Variants in CBR4 observed in about 807,000 individuals in gnomAD.
The protein encoded by CBR4 is 3-oxoacyl-[acyl-carrier-protein] reductase.
A neutral mutation model predicts 21.0 loss-of-function variants in CBR4; 22 were observed. That is an observed-to-expected ratio of 1.05 (90% CI 0.75 to 1.50). The LOEUF (loss-of-function observed/expected upper bound fraction) is 1.50, where lower values mean the gene tolerates loss of function less well. Ranked by LOEUF, CBR4 falls within the 40% of genes most tolerant of loss-of-function variation. The probability of loss-of-function intolerance (pLI) is 0.00; values close to 1 mark genes in which losing one functional copy is unlikely to be tolerated. For missense variants in CBR4, 302 were observed against 286.3 expected (o/e 1.05, Z -0.40); for synonymous variants, 100 against 104.4 (o/e 0.96, Z 0.26).
In CBR4 at chr4:169,003,447, T is replaced by C. The variant is rs937885123; in HGVS notation, c.401-1242A>G. On this transcript the variant is annotated intron_variant, in intron 3 of 4. Coordinates refer to ENST00000306193, the MANE Select transcript of CBR4 (RefSeq NM_032783.5). The stretch of plus-strand genomic sequence containing the variant: ...TCTTATGTATGGATAAACAAAGTTG[T>C]TTCTCAAGATGGAATCTCTTCCTTG... 3.9e-5 allele frequency among the ~76,000 whole-genome samples: 6 copies of C among 152,312 alleles called. No individual in the cohort carries two copies. The South Asian group carries it at 1.2e-3, about 32-fold the overall frequency.
At chr4:168,950,719 T>C (rs1763516637) in intron 2 of CBR4, among the ~76,000 whole-genome samples, 2 of 152,210 alleles carry the variant, frequency 1.3e-5, no homozygotes, top group Admixed American at 1.3e-4. Context: ...TGTTGCTTTC[T>C]ATCTCATTTA....
At chr4:168,911,065 C>T (rs1014398762) in intron 2 of CBR4, among the ~76,000 whole-genome samples, 15 of 152,106 alleles carry the variant, frequency 9.9e-5, no homozygotes, top group African/African-American at 2.9e-4. Context: ...TGTCACATAC[C>T]ATTTGATATT....
rs557329308 is a variant in CBR4, at chr4:168,919,532, A to G, written n.170-24767T>C. On this transcript the variant is annotated intron_variant and non_coding_transcript_variant, in intron 2 of 3. Transcript: ENST00000509108. The stretch of plus-strand genomic sequence containing the variant: ...GGAGCAAGACTGTCTTAAAAAAAAA[A>G]AAAAAGTGAAAAACCTTGCCACATG... 9.2e-5 allele frequency among the ~76,000 whole-genome samples: 14 copies of G among 152,136 alleles called. No individual in the cohort carries two copies. The East Asian group carries it at 2.5e-3, about 27-fold the overall frequency.
chr4:168,961,731 A>G (rs534397058), intron 2 of CBR4, among the ~76,000 whole-genome samples: 1 of 128,914 alleles, frequency 7.8e-6, no homozygotes, highest in African/African-American at 2.5e-5. Context: ...CTCTACTAAA[A>G]ATACAAAAAT....
chr4:168,921,713 C>G lies in CBR4; in HGVS notation n.170-26948G>C. The G allele has an allele frequency of 6.2e-7, 1 of 1,611,612 alleles. No homozygotes were observed. The highest frequency in any genetic ancestry group is 1.1e-5 in the South Asian group (1 of 90,964). ...TAGCTACCAACCGAGCAGGACAGAA[C>G]TCATTCAGCCTGGAGCTTGTGGTTG... On this transcript the variant is annotated intron_variant and non_coding_transcript_variant, in intron 2 of 3. Transcript: ENST00000509108.
At chr4:168,996,618 T>C (rs1168803995) in intron 4 of CBR4, among the ~76,000 whole-genome samples, 1 of 152,232 alleles carries the variant, frequency 6.6e-6, no homozygotes, top group African/African-American at 2.4e-5. Context: ...TGTACAGTTC[T>C]ACAGGTTTGG....
At chr4:169,007,320 T>C (rs985732484) in intron 2 of CBR4, among the ~76,000 whole-genome samples, 1 of 152,188 alleles carries the variant, frequency 6.6e-6, no homozygotes, top group African/African-American at 2.4e-5. Context: ...CTGGCAAAAC[T>C]TATCTGTGGT....
chr4:168,996,384 T>A (rs1185105898), intron 4 of CBR4, among the ~76,000 whole-genome samples: 1 of 152,256 alleles, frequency 6.6e-6, no homozygotes, highest in Non-Finnish European at 1.5e-5. Flanking sequence ...AACGTTCAGA[T>A]AGATCCCATG....
intron 2 of CBR4, chr4:168,926,934 G>C (rs1762647005): frequency 4.6e-6 from 1 of 219,476 alleles, no homozygotes; most frequent in Non-Finnish European, 9.1e-6. Flanking sequence ...CATAAGGAAG[G>C]AACTACTTGC....
intron 2 of CBR4, among the ~76,000 whole-genome samples, chr4:168,897,285 G>A (rs911590533): frequency 3.9e-5 from 6 of 152,050 alleles, no homozygotes; most frequent in African/African-American, 1.4e-4. Context: ...AACAACTTGT[G>A]GTATAACTCT....
chr4:168,976,278 C>T (rs375985819), intron 2 of CBR4, among the ~76,000 whole-genome samples: 2 of 152,162 alleles, frequency 1.3e-5, no homozygotes, highest in Admixed American at 6.5e-5. Context: ...TCCATGGGCT[C>T]GAGCTAAGGA....
intron 2 of CBR4, among the ~76,000 whole-genome samples, chr4:168,955,362 A>C (rs574449064): frequency 6.6e-6 from 1 of 152,374 alleles, no homozygotes; most frequent in East Asian, 1.9e-4. Context: ...TGACTCTCCA[A>C]ATAATGTTAA....
Position 168,926,307 on chromosome 4 carries a change from C to G in CBR4, n.170-31542G>C, listed in dbSNP as rs1306250811. The stretch of plus-strand genomic sequence containing the variant: ...CACTTTCGGACCAGGGACTAGACAT[C>G]AAAGCAGCGTTCCAACCTGAGGCCA... On this transcript the variant is annotated intron_variant and non_coding_transcript_variant, in intron 2 of 3. Transcript: ENST00000509108. 17 of 1,537,342 alleles carry G rather than the reference C, an allele frequency of 1.1e-5. No homozygotes were observed. The highest frequency in any genetic ancestry group is 1.4e-5 in the Non-Finnish European group (16 of 1,146,868).
chr4:168,948,749 G>A lies in CBR4; in HGVS notation n.169+53322C>T, dbSNP rs575244622. Among the ~76,000 whole-genome samples, 314 of 152,312 alleles carry A rather than the reference G, an allele frequency of 2.1e-3. 4 individuals are homozygous for A. The highest frequency in any genetic ancestry group is 5.2e-3 in the South Asian group (25 of 4,834). On this transcript the variant is annotated intron_variant and non_coding_transcript_variant, in intron 2 of 3. Transcript: ENST00000509108. The stretch of plus-strand genomic sequence containing the variant: ...GTGCCTGTTTTTATACCAGTACCAT[G>A]CTGTTTTGGTGACTATGGCCTTATG...
rs189272485 is a variant in CBR4 at position 169,002,060 on chromosome 4, T to G, written c.535+11A>C. 3.9e-6 allele frequency: 6 copies of G among 1,543,024 alleles called. No homozygotes were observed. The African/African-American group carries it at 7.0e-5, about 18-fold the overall frequency. Reference sequence around the variant, plus strand: ...TCATAATCAAGTTATTTTAATAAAGTTTTCACTAACCTGGTGCAACTACAT... The same window carrying G: ...TCATAATCAAGTTATTTTAATAAAGGTTTCACTAACCTGGTGCAACTACAT... On this transcript the variant is annotated intron_variant, in intron 4 of 4. Coordinates refer to ENST00000306193, the MANE Select transcript of CBR4 (RefSeq NM_032783.5).
At chr4:168,959,588 T>TA (rs1426898739) in intron 2 of CBR4, among the ~76,000 whole-genome samples, 1 of 136,132 alleles carries the variant, frequency 7.3e-6, no homozygotes, top group Non-Finnish European at 1.5e-5. Flanking sequence ...TTTTTGGAGA[T>TA]AGAGTCTCAC....
At position 168,955,584 on chromosome 4, in the gene CBR4, AGAGT is replaced by A. The variant is rs1763661452; in HGVS notation, n.169+46483_169+46486del. On this transcript the variant is annotated intron_variant and non_coding_transcript_variant, in intron 2 of 3. Transcript: ENST00000509108. ...GCTTAGGTCACATTTCTCACTCACA[AGAGT>A]GAGTGAGTGGAAAATTGTAAAGCAA... 2.6e-5 allele frequency among the ~76,000 whole-genome samples: 4 copies of A among 152,180 alleles called. No homozygotes were observed. In the South Asian group the frequency reaches 6.2e-4, roughly 24 times the overall value.
intron 2 of CBR4, among the ~76,000 whole-genome samples, chr4:168,953,667 T>C (rs1453670996): frequency 6.6e-6 from 1 of 151,794 alleles, no homozygotes; most frequent in Admixed American, 6.6e-5. Flanking sequence ...CAAGTGATCC[T>C]CCTGCCTCAG....
At chr4:169,005,779 G>T in intron 3 of CBR4, 1 of 775,984 alleles carries the variant, frequency 1.3e-6, no homozygotes, top group Non-Finnish European at 1.9e-6. Context: ...TGTCCCCTTA[G>T]TTTATTAGCA....
Sources: allele counts gnomAD v4.1 joint callset (sites outside exome capture counted in the v4.1 genomes callset), GRCh38; gene constraint gnomAD v4.1.1; transcripts MANE v1.5; gene names NCBI Gene and HGNC (gene_info 2026-07-23, HGNC 2026-07-21).